GCNT4: variants seen among roughly 807,000 people sequenced by gnomAD.
The protein encoded by GCNT4 is beta-1,3-galactosyl-O-glycosyl-glycoprotein beta-1,6-N-acetylglucosaminyltransferase 4.
Under a neutral mutation model 31.3 loss-of-function variants are expected in GCNT4, and 17 were observed. That is an observed-to-expected ratio of 0.54 (90% CI 0.37 to 0.81). GCNT4 has a LOEUF of 0.81. Ranked by LOEUF, GCNT4 falls within the 40% of genes least tolerant of loss-of-function variation. The pLI is 0.00. For synonymous variants in GCNT4, 158 were observed against 190.6 expected, an observed-to-expected ratio of 0.83 and a Z score of 1.41; for missense variants, 503 against 525.5, an observed-to-expected ratio of 0.96 and a Z score of 0.42.
the GCNT4 span, among the ~76,000 whole-genome samples, chr5:75,017,191 G>A: frequency 7.6e-4 from 116 of 152,258 alleles, 1 homozygote; most frequent in Admixed American, 5.0e-3. Flanking sequence ...ATTTACAGTT[G>A]TTTTTGAATC....
chr5:75,027,008 G>C lies in GCNT4; in HGVS notation c.*1668C>G, dbSNP rs901340683. ...AAGTGCATTTCACATTTAGAACACA[G>C]ACATTTAAAAAATATGTAATACTTA... On this transcript the variant is annotated 3_prime_UTR_variant, in exon 4 of 4. Coordinates refer to ENST00000652361, the MANE Select transcript of GCNT4 (RefSeq NM_001366737.1). 1 of 151,812 alleles carries C rather than the reference G, an allele frequency of 6.6e-6. No homozygotes were observed. The highest frequency in any genetic ancestry group is 6.6e-5 in the Admixed American group (1 of 15,214). 9.4% of individuals were successfully genotyped at this position (151,812 alleles called of 1,614,324 possible). A position where few individuals can be genotyped will look rare whatever the true frequency, so the allele number is the denominator to read the frequency against.
rs554590672 is a variant in GCNT4, at chr5:75,034,958, G to A, written c.-1-4920C>T. Among the ~76,000 whole-genome samples the A allele has an allele frequency of 1.1e-4, 15 of 135,602 alleles. No individual in the cohort carries two copies. In the East Asian group the frequency reaches 2.5e-3, roughly 23 times the overall value. 89.0% of individuals were successfully genotyped at this position (135,602 alleles called of 152,430 possible). A position where few individuals can be genotyped will look rare whatever the true frequency, so the allele number is the denominator to read the frequency against. On this transcript the variant is annotated intron_variant, in intron 3 of 3. Coordinates refer to ENST00000652361, the MANE Select transcript of GCNT4 (RefSeq NM_001366737.1). Reference sequence around the variant, plus strand: ...ACACCCCAGCTAAGCGGACACGACCGCATTCAGGGACACCCCAGCTAAGCG... The same window carrying A: ...ACACCCCAGCTAAGCGGACACGACCACATTCAGGGACACCCCAGCTAAGCG...
chr5:75,053,772 C>G (rs977492433), upstream of GCNT4, among the ~76,000 whole-genome samples: 1 of 152,170 alleles, frequency 6.6e-6, no homozygotes, highest in Non-Finnish European at 1.5e-5. Context: ...CGCTCCCAGT[C>G]CCCGGGCCGC....
intron 2 of GCNT4, among the ~76,000 whole-genome samples, chr5:75,050,015 C>A (rs1466496196): frequency 6.6e-6 from 1 of 152,220 alleles, no homozygotes; most frequent in Non-Finnish European, 1.5e-5. Context: ...CTGTAGAGCA[C>A]GTACCCCTTA....
At chr5:75,053,220 G>GC (rs1743627341), upstream of GCNT4, among the ~76,000 whole-genome samples, 1 of 60,906 alleles carries the variant, frequency 1.6e-5, no homozygotes, top group Admixed American at 1.7e-4. Flanking sequence ...GGCGCGCGCC[G>GC]GGTCGCCCAC....
At chr5:75,040,944 G>GTTGT (rs34376609) in intron 3 of GCNT4, among the ~76,000 whole-genome samples, 59,604 of 151,708 alleles carry the variant, frequency 0.39, 14,067 homozygotes, top group African/African-American at 0.68. Flanking sequence ...AATCTTTAGA[G>GTTGT]TTTTTTCCCC....
At chr5:75,030,410 G>A (rs1743036190) in intron 3 of GCNT4, 1 of 185,630 alleles carries the variant, frequency 5.4e-6, no homozygotes, top group African/African-American at 2.4e-5. Context: ...GTCATCAACA[G>A]GGCCTCAGAG....
chr5:75,023,657 C>T (rs191105163), downstream of GCNT4, among the ~76,000 whole-genome samples: 33 of 152,170 alleles, frequency 2.2e-4, no homozygotes, highest in South Asian at 6.2e-4. Context: ...ATTGGCAGTG[C>T]GGGCAAATGT....
downstream of GCNT4, among the ~76,000 whole-genome samples, chr5:75,023,082 G>T (rs544132856): frequency 9.2e-5 from 14 of 152,274 alleles, no homozygotes; most frequent in African/African-American, 3.1e-4. Context: ...ATGCCAGAAA[G>T]AATGGATATT....
chr5:75,024,875 C>T (rs950272967), downstream of GCNT4, among the ~76,000 whole-genome samples: 10 of 141,646 alleles, frequency 7.1e-5, no homozygotes, highest in East Asian at 6.9e-4. Context: ...TGCTTGATCC[C>T]GGGAGGCGGA....
At chr5:75,032,923 GA>G (rs1561374299) in intron 3 of GCNT4, among the ~76,000 whole-genome samples, 6 of 140,474 alleles carry the variant, frequency 4.3e-5, no homozygotes, top group South Asian at 2.3e-4. Flanking sequence ...GTGTGTGTGT[GA>G]TTAATTCATG....
intron 3 of GCNT4, among the ~76,000 whole-genome samples, chr5:75,038,791 T>A (rs1463757802): frequency 6.6e-6 from 1 of 152,206 alleles, no homozygotes; most frequent in Non-Finnish European, 1.5e-5. Context: ...GTGATTAAAT[T>A]TCAACACATG....
chr5:75,017,565 G>A, the GCNT4 span: 1 of 152,230 alleles, frequency 6.6e-6, no homozygotes, highest in Admixed American at 6.5e-5. Flanking sequence ...TTGGTTTTCA[G>A]TTGGTTCAGC....
chr5:75,042,356 T>G (rs1743339693), intron 3 of GCNT4, among the ~76,000 whole-genome samples: 3 of 152,244 alleles, frequency 2.0e-5, no homozygotes, highest in Admixed American at 6.5e-5. Flanking sequence ...TTTCTCCACC[T>G]AATATCTACA....
chr5:75,038,826 A>G (rs1015288371), intron 3 of GCNT4, among the ~76,000 whole-genome samples: 3 of 152,182 alleles, frequency 2.0e-5, no homozygotes, highest in African/African-American at 7.2e-5. Flanking sequence ...CATTCAGACC[A>G]TAGCAGTATG....
intron 3 of GCNT4, chr5:75,031,009 T>C (rs1743049245): frequency 6.1e-6 from 1 of 164,680 alleles, no homozygotes; most frequent in Non-Finnish European, 1.5e-5. Context: ...ATAAGCAAAA[T>C]GCAGAAGCAT....
At chr5:75,041,852 T>C (rs1743328238) in intron 3 of GCNT4, among the ~76,000 whole-genome samples, 1 of 152,252 alleles carries the variant, frequency 6.6e-6, no homozygotes, top group African/African-American at 2.4e-5. Context: ...CTAAAGTCTT[T>C]AGCAGGAAGT....
chr5:75,020,707 G>A (rs140311222), downstream of GCNT4, among the ~76,000 whole-genome samples: 70 of 152,178 alleles, frequency 4.6e-4, 1 homozygote, highest in East Asian at 0.013. Context: ...GAAATATTAG[G>A]TCAGAACACA....
intron 3 of GCNT4, among the ~76,000 whole-genome samples, chr5:75,038,154 C>A (rs1056600311): frequency 9.9e-5 from 15 of 152,000 alleles, no homozygotes; most frequent in African/African-American, 3.6e-4. Context: ...ATATTATGAA[C>A]AAGTCCTAAC....
Sources: gnomAD v4.1 joint callset for allele counts (sites outside exome capture counted in the v4.1 genomes callset) on GRCh38, gnomAD v4.1.1 for gene constraint, MANE v1.5 for transcripts, NCBI Gene and HGNC (gene_info 2026-07-23, HGNC 2026-07-21) for gene names.